TTC7A: variants seen among roughly 807,000 people sequenced by gnomAD.
TTC7A encodes the protein tetratricopeptide repeat domain 7A.
In TTC7A, 110 loss-of-function variants were observed where a neutral mutation model predicts 103.7. The observed-to-expected ratio is 1.06, with a 90% CI of 0.91 to 1.24. The LOEUF (loss-of-function observed/expected upper bound fraction) is 1.24. Ranked by LOEUF, TTC7A falls within the 50% of genes most tolerant of loss-of-function variation. TTC7A has a pLI of 0.00. For synonymous variants in TTC7A, 521 were observed against 467.9 expected (o/e 1.11, Z -1.47); for missense variants, 1,340 against 1,116.3 (o/e 1.20, Z -2.86).
At chr2:47,017,978 C>CAT (rs1244983198) in intron 11 of TTC7A, among the ~76,000 whole-genome samples, 2 of 152,048 alleles carry the variant, frequency 1.3e-5, no homozygotes, top group Admixed American at 6.5e-5. Context: ...AATTGATATA[C>CAT]ATATATATAT....
chr2:46,972,066 GC>G (rs1673410096), intron 3 of TTC7A, among the ~76,000 whole-genome samples: 1 of 152,134 alleles, frequency 6.6e-6, no homozygotes, highest in Admixed American at 6.5e-5. Flanking sequence ...AGCAGGTAGA[GC>G]TTCAGGCAAA....
intron 17 of TTC7A, among the ~76,000 whole-genome samples, chr2:47,051,481 G>T (rs948591045): frequency 3.9e-5 from 6 of 152,212 alleles, no homozygotes; most frequent in Admixed American, 6.5e-5. Flanking sequence ...CATCTTTGCT[G>T]ACATTATTGT....
chr2:47,041,529 G>A (rs536635215), intron 15 of TTC7A, among the ~76,000 whole-genome samples: 1 of 152,166 alleles, frequency 6.6e-6, no homozygotes, highest in Admixed American at 6.5e-5. Context: ...AAGGTGGGTG[G>A]ATCACCTGAG....
intron 3 of TTC7A, among the ~76,000 whole-genome samples, chr2:46,974,223 A>G (rs976751783): frequency 2.0e-5 from 3 of 152,232 alleles, no homozygotes; most frequent in Non-Finnish European, 2.9e-5. Context: ...CTTTAAAGAT[A>G]ACCACTTCAG....
At chr2:47,067,806 A>ATGTT (rs1282331903) in intron 19 of TTC7A, 1 of 151,414 alleles carries the variant, frequency 6.6e-6, no homozygotes, top group African/African-American at 2.4e-5. Flanking sequence ...GATTATTTTT[A>ATGTT]TGTTTTTCAC....
At chr2:47,016,064 C>T (rs1445286653) in intron 11 of TTC7A, among the ~76,000 whole-genome samples, 1 of 152,134 alleles carries the variant, frequency 6.6e-6, no homozygotes, top group Non-Finnish European at 1.5e-5. Flanking sequence ...CTTTTTGGCT[C>T]ACTGCAAGGT....
chr2:47,026,825 A>C (rs1331764172), intron 14 of TTC7A, among the ~76,000 whole-genome samples: 1 of 152,188 alleles, frequency 6.6e-6, no homozygotes, highest in Non-Finnish European at 1.5e-5. Flanking sequence ...TGTAGCAGAG[A>C]AACTGCAGCT....
chr2:46,917,453 C>T (rs1239432163), intron 2 of TTC7A, among the ~76,000 whole-genome samples: 1 of 152,204 alleles, frequency 6.6e-6, no homozygotes, highest in African/African-American at 2.4e-5. Flanking sequence ...TCCCTTTGTT[C>T]ATTTATTCAT....
intron 17 of TTC7A, among the ~76,000 whole-genome samples, chr2:47,051,257 A>G (rs903120245): frequency 2.6e-5 from 4 of 152,290 alleles, no homozygotes; most frequent in Admixed American, 1.3e-4. Flanking sequence ...TTCCATGCCC[A>G]TATTTCTTTT....
At chr2:47,048,072 C>G (rs1202766245) in intron 16 of TTC7A, among the ~76,000 whole-genome samples, 1 of 152,180 alleles carries the variant, frequency 6.6e-6, no homozygotes, top group Non-Finnish European at 1.5e-5. Context: ...GACCCCCTTC[C>G]TCTGCTCTGC....
chr2:46,933,153 G>A (rs1037575085), intron 2 of TTC7A, among the ~76,000 whole-genome samples: 2 of 152,126 alleles, frequency 1.3e-5, no homozygotes, highest in African/African-American at 2.4e-5. Flanking sequence ...TCTGGAGAGG[G>A]GCCCATTGTA....
chr2:46,975,175 C>T lies in TTC7A; in HGVS notation c.648+72C>T, dbSNP rs2304286. 0.11 allele frequency: 171,334 copies of T among 1,579,244 alleles called. 11,292 individuals carry two copies. The highest frequency in any genetic ancestry group is 0.31 in the African/African-American group (23,140 of 74,224). On this transcript the variant is annotated intron_variant, in intron 4 of 19. Transcript: ENST00000319190. ...CCTATGTCTATGGATCCCACTAAAC[C>T]CATAGGTCACCTGTGTGCTAATTAG...
chr2:47,053,457 C>T (rs1299708748), intron 18 of TTC7A, among the ~76,000 whole-genome samples: 1 of 152,106 alleles, frequency 6.6e-6, no homozygotes, highest in Non-Finnish European at 1.5e-5. Flanking sequence ...TTGTGGGTTG[C>T]CTGTACCAGA....
At chr2:47,059,060 C>A (rs375562378) in intron 18 of TTC7A, among the ~76,000 whole-genome samples, 2 of 135,674 alleles carry the variant, frequency 1.5e-5, no homozygotes, top group African/African-American at 5.8e-5. Context: ...CTCACTCTGT[C>A]GCCCAGGCTG....
At chr2:47,040,820 A>G (rs1373597476) in intron 15 of TTC7A, among the ~76,000 whole-genome samples, 1 of 152,206 alleles carries the variant, frequency 6.6e-6, no homozygotes, top group Middle Eastern at 3.2e-3. Context: ...GACCTGTGAC[A>G]TGCCCAGCTG....
intron 18 of TTC7A, among the ~76,000 whole-genome samples, chr2:47,058,594 G>C (rs1683511925): frequency 6.6e-6 from 1 of 152,182 alleles, no homozygotes; most frequent in South Asian, 2.1e-4. Flanking sequence ...CAGGGTTCTT[G>C]GCAAAACCAC....
chr2:46,971,545 C>G (rs938706946), intron 3 of TTC7A, among the ~76,000 whole-genome samples: 4 of 151,990 alleles, frequency 2.6e-5, no homozygotes, highest in Middle Eastern at 3.2e-3. Context: ...AGTGTGGACC[C>G]CTGGAGAGTT....
chr2:47,050,138 C>A, intron 17 of TTC7A, 92 bp downstream of exon 17: 1 of 1,130,080 alleles, frequency 8.8e-7, no homozygotes, highest in African/African-American at 1.5e-5. Flanking sequence ...GCCGGGCCCT[C>A]TCCCAGCCGG....
At chr2:46,961,033 C>T (rs1043567519) in intron 3 of TTC7A, among the ~76,000 whole-genome samples, 13 of 152,180 alleles carry the variant, frequency 8.5e-5, no homozygotes, top group African/African-American at 3.1e-4. Context: ...ACCTAACATC[C>T]ATCAACTTGG....
Sources: gnomAD v4.1 joint callset for allele counts (sites outside exome capture counted in the v4.1 genomes callset) on GRCh38, gnomAD v4.1.1 for gene constraint, MANE v1.5 for transcripts, NCBI Gene and HGNC (gene_info 2026-07-23, HGNC 2026-07-21) for gene names.